MAP7: variants seen among roughly 807,000 people sequenced by gnomAD.
MAP7 encodes microtubule associated protein 7, also known as ensconsin.
A neutral mutation model predicts 94.8 loss-of-function variants in MAP7; 52 were observed. That is an observed-to-expected ratio of 0.55 (90% CI 0.44 to 0.69). The LOEUF is 0.69. Ranked by LOEUF, MAP7 falls within the 30% of genes least tolerant of loss-of-function variation. The probability of loss-of-function intolerance (pLI) is 0.00; values close to 1 mark genes in which losing one functional copy is unlikely to be tolerated. For synonymous variants in MAP7, 350 were observed against 357.0 expected (o/e 0.98, Z 0.22); for missense variants, 940 against 964.6 (o/e 0.97, Z 0.34).
chr6:136,476,103 A>G (rs749106242), intron 1 of MAP7: 6 of 152,230 alleles, frequency 3.9e-5, no homozygotes, highest in Non-Finnish European at 5.9e-5. Flanking sequence ...TTGTCATCCA[A>G]TGATCTTTGT....
At chr6:136,516,468 C>T (rs1311042109) in intron 1 of MAP7, among the ~76,000 whole-genome samples, 1 of 151,998 alleles carries the variant, frequency 6.6e-6, no homozygotes, top group Admixed American at 6.6e-5. Context: ...AAGGAAATGA[C>T]ATTTAAACTG....
At chr6:136,442,033 ACAAATTT>A (rs1798018069) in intron 1 of MAP7, among the ~76,000 whole-genome samples, 1 of 151,800 alleles carries the variant, frequency 6.6e-6, no homozygotes. Context: ...ACAGTAACAA[ACAAATTT>A]CAAACTACAA....
chr6:136,431,299 C>G (rs535102168), intron 1 of MAP7, among the ~76,000 whole-genome samples: 1 of 152,160 alleles, frequency 6.6e-6, no homozygotes, highest in African/African-American at 2.4e-5. Flanking sequence ...TCCAAAATTT[C>G]TAAATACTGA....
At chr6:136,432,656 G>A (rs1403093361) in intron 1 of MAP7, among the ~76,000 whole-genome samples, 3 of 151,962 alleles carry the variant, frequency 2.0e-5, no homozygotes, top group Non-Finnish European at 2.9e-5. Flanking sequence ...CAACTCACAG[G>A]TTGGTTACAG....
intron 1 of MAP7, among the ~76,000 whole-genome samples, chr6:136,500,149 T>C (rs1275239740): frequency 1.3e-5 from 2 of 152,244 alleles, no homozygotes; most frequent in Non-Finnish European, 2.9e-5. Flanking sequence ...AAGGAAATTG[T>C]AGTAGCTGCC....
At chr6:136,459,447 T>A (rs1380071345) in intron 1 of MAP7, among the ~76,000 whole-genome samples, 13 of 152,160 alleles carry the variant, frequency 8.5e-5, no homozygotes, top group Admixed American at 2.6e-4. Context: ...CTCAAAGGGA[T>A]ATGTACACTC....
intron 3 of MAP7, among the ~76,000 whole-genome samples, chr6:136,410,068 C>CA (rs1294274245): frequency 6.6e-6 from 1 of 152,102 alleles, no homozygotes; most frequent in Non-Finnish European, 1.5e-5. Context: ...GTGCTTTCCA[C>CA]AAAAAACTAA....
At chr6:136,434,584 C>A (rs1216499817) in intron 1 of MAP7, among the ~76,000 whole-genome samples, 6 of 150,128 alleles carry the variant, frequency 4.0e-5, no homozygotes, top group Admixed American at 2.0e-4. Flanking sequence ...AATCATCTTT[C>A]TACTAGGCAA....
At chr6:136,380,491 C>T (rs1022178251) in intron 6 of MAP7, among the ~76,000 whole-genome samples, 10 of 152,156 alleles carry the variant, frequency 6.6e-5, no homozygotes, top group African/African-American at 2.4e-4. Context: ...GAATTTATTT[C>T]GAGGTCTACC....
At chr6:136,535,119 G>A (rs1828775383) in intron 1 of MAP7, among the ~76,000 whole-genome samples, 1 of 152,156 alleles carries the variant, frequency 6.6e-6, no homozygotes, top group South Asian at 2.1e-4. Flanking sequence ...GTGGGGCCTG[G>A]TGGGAGGTGA....
At chr6:136,407,979 A>G (rs1449686467) in intron 3 of MAP7, among the ~76,000 whole-genome samples, 1 of 152,222 alleles carries the variant, frequency 6.6e-6, no homozygotes, top group African/African-American at 2.4e-5. Context: ...ATTTAGTTGT[A>G]CAGAAGTAGA....
chr6:136,351,268 A>G (rs1321738234), intron 16 of MAP7, among the ~76,000 whole-genome samples: 1 of 152,134 alleles, frequency 6.6e-6, no homozygotes, highest in Non-Finnish European at 1.5e-5. Context: ...AAAACAAAAA[A>G]AAGCCAATAA....
At chr6:136,394,805 G>A (rs1460775128) in intron 3 of MAP7, among the ~76,000 whole-genome samples, 1 of 150,454 alleles carries the variant, frequency 6.6e-6, no homozygotes, top group Non-Finnish European at 1.5e-5. Context: ...TCCCATATAT[G>A]AGTGAGAACA....
Position 136,541,392 on chromosome 6 carries a change from T to C in MAP7, c.67+8950A>G, listed in dbSNP as rs138107217. Among the ~76,000 whole-genome samples, 792 of 152,308 alleles carry C rather than the reference T, an allele frequency of 5.2e-3. 9 individuals are homozygous for C. The highest frequency in any genetic ancestry group is 0.018 in the African/African-American group (761 of 41,572). On this transcript the variant is annotated intron_variant, in intron 1 of 17. Transcript: ENST00000354570. ...TTTATACTCAGAGGTTATGCCATAG[T>C]GAAGGATAGTTCTCTTTACTAGAAA... is the stretch of plus-strand genomic sequence containing the variant.
At chr6:136,458,958 G>C (rs1036808935) in intron 1 of MAP7, among the ~76,000 whole-genome samples, 3 of 151,980 alleles carry the variant, frequency 2.0e-5, no homozygotes, top group African/African-American at 7.2e-5. Flanking sequence ...GAGTAAAAAG[G>C]CAACCTACAA....
intron 1 of MAP7, chr6:136,526,638 T>A: frequency 1.0e-6 from 1 of 985,482 alleles, no homozygotes. Flanking sequence ...TCCCTCTTCC[T>A]CTCAGCGGCA....
chr6:136,536,906 C>T (rs779755578), intron 1 of MAP7, among the ~76,000 whole-genome samples: 2 of 152,194 alleles, frequency 1.3e-5, no homozygotes, highest in Non-Finnish European at 2.9e-5. Context: ...GTTCAGAATG[C>T]CCAATTCACA....
chr6:136,480,641 CAAAAAAAAAAAAAAA>C (rs769951186), intron 1 of MAP7, among the ~76,000 whole-genome samples: 3 of 20,148 alleles, frequency 1.5e-4, no homozygotes, highest in Non-Finnish European at 2.7e-4. Context: ...GACTCTGCCT[CAAAAAAAAAAAAAAA>C]AAAAAAAAAA....
At chr6:136,466,643 C>A in intron 1 of MAP7, 2 of 882,474 alleles carry the variant, frequency 2.3e-6, no homozygotes, top group Admixed American at 2.9e-5. Context: ...AGAAGATTTC[C>A]TACTCTGTAC....
Sources: allele counts gnomAD v4.1 joint callset (sites outside exome capture counted in the v4.1 genomes callset), GRCh38; gene constraint gnomAD v4.1.1; transcripts MANE v1.5; gene names NCBI Gene and HGNC (gene_info 2026-07-23, HGNC 2026-07-21).